The following FDX1 variants were observed in gnomAD, a reference collection of about 807,000 sequenced individuals.
FDX1 encodes ferredoxin 1.
FDX1 carries 9 observed loss-of-function variants against 14.9 expected under a neutral mutation model. The observed-to-expected ratio is 0.60, with a 90% CI of 0.36 to 1.05. The LOEUF (loss-of-function observed/expected upper bound fraction) is 1.05, where lower values mean the gene tolerates loss of function less well. FDX1 is among the 50% of genes least tolerant of loss of function. FDX1 has a pLI of 0.01. For missense variants in FDX1, 204 were observed against 237.2 expected (o/e 0.86, Z 0.92); for synonymous variants, 92 against 99.4 (o/e 0.93, Z 0.44).
At chr11:110,461,898 C>G (rs1356546665) in intron 3 of FDX1, among the ~76,000 whole-genome samples, 2 of 152,142 alleles carry the variant, frequency 1.3e-5, no homozygotes, top group Non-Finnish European at 2.9e-5. Flanking sequence ...TGACTTAAGT[C>G]TATGTATTTA....
intron 2 of FDX1, among the ~76,000 whole-genome samples, chr11:110,442,977 G>C (rs910409690): frequency 2.0e-5 from 3 of 152,156 alleles, no homozygotes; most frequent in Non-Finnish European, 4.4e-5. Context: ...TATAAGGGGA[G>C]GGGGGTTCCC....
intron 3 of FDX1, 48 bp from the exon 4 acceptor site, chr11:110,462,306 A>AAT (rs3831392): frequency 0.087 from 89,047 of 1,025,676 alleles, 7,539 homozygotes; most frequent in East Asian, 0.36. Context: ...TTGCCTTGTG[A>AAT]ATATATATAC....
chr11:110,432,732 G>A (rs975355576), intron 1 of FDX1, among the ~76,000 whole-genome samples: 1 of 152,174 alleles, frequency 6.6e-6, no homozygotes, highest in Non-Finnish European at 1.5e-5. Flanking sequence ...GCCTCCCAAA[G>A]TATTGGGATT....
At chr11:110,438,768 C>G (rs1946386916) in intron 2 of FDX1, among the ~76,000 whole-genome samples, 2 of 151,938 alleles carry the variant, frequency 1.3e-5, no homozygotes, top group South Asian at 4.2e-4. Context: ...TGCCTGACTT[C>G]TGCCCGCTTT....
intron 2 of FDX1, among the ~76,000 whole-genome samples, chr11:110,453,685 T>G (rs928128880): frequency 1.3e-5 from 2 of 152,106 alleles, no homozygotes; most frequent in Non-Finnish European, 2.9e-5. Flanking sequence ...CTCATCTGTC[T>G]TCTTATGGAT....
intron 2 of FDX1, among the ~76,000 whole-genome samples, chr11:110,444,943 G>T (rs1248390700): frequency 6.6e-6 from 1 of 151,030 alleles, no homozygotes; most frequent in Non-Finnish European, 1.5e-5. Context: ...AACCTTCCTG[G>T]GCTAAGCCCC....
At position 110,460,193 on chromosome 11, in the gene FDX1, A is replaced by C. The variant is rs552581071; in HGVS notation, c.441-2161A>C. ...GTGAAGGCTGTTTCCAATTCTACAA[A>C]TAAAGAACTCTTGATAGAGGGGATT... On this transcript the variant is annotated intron_variant, in intron 3 of 3. Coordinates refer to ENST00000260270, the MANE Select transcript of FDX1 (RefSeq NM_004109.5). 1.7e-3 allele frequency among the ~76,000 whole-genome samples: 257 copies of C among 151,436 alleles called. 1 individual carries two copies. The highest frequency in any genetic ancestry group is 5.8e-3 in the African/African-American group (241 of 41,274).
At chr11:110,444,444 C>G (rs539264973) in intron 2 of FDX1, among the ~76,000 whole-genome samples, 36 of 151,280 alleles carry the variant, frequency 2.4e-4, no homozygotes, top group South Asian at 6.3e-4. Flanking sequence ...GGTGAAGCCC[C>G]ATCTCTACTA....
intron 2 of FDX1, among the ~76,000 whole-genome samples, chr11:110,442,091 C>T (rs10891111): frequency 0.3 from 46,244 of 152,156 alleles, 7,271 homozygotes; most frequent in East Asian, 0.38. Flanking sequence ...AAGTCAAGAA[C>T]TGGGGCTTGG....
chr11:110,438,926 C>T (rs559561468), intron 2 of FDX1, among the ~76,000 whole-genome samples: 16 of 152,016 alleles, frequency 1.1e-4, no homozygotes, highest in Non-Finnish European at 2.4e-4. Flanking sequence ...TTTTTTGAGA[C>T]GGAGTCTTGT....
At chr11:110,440,727 C>T (rs528986769) in intron 2 of FDX1, among the ~76,000 whole-genome samples, 81 of 151,994 alleles carry the variant, frequency 5.3e-4, no homozygotes, top group African/African-American at 1.8e-3. Flanking sequence ...TGATCTAACA[C>T]AAAAAAAGGC....
intron 2 of FDX1, among the ~76,000 whole-genome samples, chr11:110,444,745 C>CAT (rs1359578094): frequency 4.2e-5 from 1 of 23,756 alleles, no homozygotes; most frequent in African/African-American, 2.5e-4. Context: ...TATATATATA[C>CAT]ACGTATATAT....
intron 1 of FDX1, among the ~76,000 whole-genome samples, chr11:110,432,537 T>C (rs576416081): frequency 6.6e-6 from 1 of 152,306 alleles, no homozygotes; most frequent in East Asian, 1.9e-4. Context: ...GGTGCCATCA[T>C]GGCTCACTGC....
chr11:110,453,198 A>C (rs536667972), intron 2 of FDX1, among the ~76,000 whole-genome samples: 1 of 152,218 alleles, frequency 6.6e-6, no homozygotes, highest in African/African-American at 2.4e-5. Flanking sequence ...TTAGCCAGGC[A>C]TGGTGGCTCA....
intron 2 of FDX1, among the ~76,000 whole-genome samples, chr11:110,444,668 ATATATATATATATATACACG>A (rs1946428961): frequency 5.7e-4 from 39 of 68,046 alleles, no homozygotes; most frequent in Non-Finnish European, 8.6e-4. Context: ...ATATATACGT[ATATATATATATATATACACG>A]TATATATATA....
At chr11:110,447,449 T>TCAAA (rs1016703789) in intron 2 of FDX1, among the ~76,000 whole-genome samples, 2 of 152,048 alleles carry the variant, frequency 1.3e-5, no homozygotes, top group Admixed American at 6.6e-5. Context: ...TGAGACTCCT[T>TCAAA]CAAACAAACA....
rs189989828 is a variant in FDX1, at chr11:110,437,114, G to A, written c.310+1156G>A. Among the ~76,000 whole-genome samples, 391 of 152,228 alleles carry A rather than the reference G, an allele frequency of 2.6e-3. 3 individuals carry two copies. The highest frequency in any genetic ancestry group is 8.1e-3 in the African/African-American group (337 of 41,528). ...GGACTCAAGTGATCCTCCTGACTCC[G>A]CCTCCTGAGTAGCTGGGACTGCAGG... is the stretch of plus-strand genomic sequence containing the variant. On this transcript the variant is annotated intron_variant, in intron 2 of 3. Coordinates refer to ENST00000260270, the MANE Select transcript of FDX1 (RefSeq NM_004109.5).
At chr11:110,457,121 G>T (rs1392548876) in intron 3 of FDX1, 74 bp downstream of exon 3, 3 of 1,333,708 alleles carry the variant, frequency 2.2e-6, no homozygotes, top group Non-Finnish European at 3.1e-6. Context: ...GTCTATGTAA[G>T]ACCAGACCCA....
At chr11:110,430,466 C>T (rs1946323261) in intron 1 of FDX1, among the ~76,000 whole-genome samples, 161 bp downstream of exon 1, 2 of 152,216 alleles carry the variant, frequency 1.3e-5, no homozygotes, top group Non-Finnish European at 2.9e-5. Flanking sequence ...GCTCTCGCGG[C>T]TCCGTCTCGC....
Sources: gnomAD v4.1 joint callset for allele counts (sites outside exome capture counted in the v4.1 genomes callset) on GRCh38, gnomAD v4.1.1 for gene constraint, MANE v1.5 for transcripts, NCBI Gene and HGNC (gene_info 2026-07-23, HGNC 2026-07-21) for gene names.